The following CFAP299 variants were observed in gnomAD, a reference collection of about 807,000 sequenced individuals.
The protein encoded by CFAP299 is cilia and flagella associated protein 299.
Under a neutral mutation model 27.0 loss-of-function variants are expected in CFAP299, and 21 were observed. The ratio of observed to expected loss-of-function variants is 0.78; its 90% CI spans 0.55 to 1.12. The LOEUF is 1.12. Ranked by LOEUF, CFAP299 falls within the 50% of genes most tolerant of loss-of-function variation. The pLI is 0.00. For missense variants in CFAP299, 310 were observed against 276.6 expected, an observed-to-expected ratio of 1.12 and a Z score of -0.86; for synonymous variants, 104 against 98.1, an observed-to-expected ratio of 1.06 and a Z score of -0.36.
intron 3 of CFAP299, among the ~76,000 whole-genome samples, chr4:80,713,156 G>A (rs979299996): frequency 1.3e-5 from 2 of 152,106 alleles, no homozygotes; most frequent in Non-Finnish European, 2.9e-5. Context: ...AAAGTATGTA[G>A]GTGAGAGATA....
intron 2 of CFAP299, among the ~76,000 whole-genome samples, chr4:80,389,862 C>T (rs1326288123): frequency 1.3e-5 from 2 of 151,962 alleles, no homozygotes; most frequent in African/African-American, 4.8e-5. Context: ...TAAGAAAGTG[C>T]CTAAAGTCTT....
chr4:80,686,266 A>G (rs1473887885), intron 3 of CFAP299, among the ~76,000 whole-genome samples: 1 of 152,138 alleles, frequency 6.6e-6, no homozygotes, highest in African/African-American at 2.4e-5. Context: ...GGCCATTCCC[A>G]CACCAAAGAG....
intron 3 of CFAP299, among the ~76,000 whole-genome samples, chr4:80,834,973 G>A (rs1490418252): frequency 2.6e-5 from 4 of 152,224 alleles, no homozygotes; most frequent in Admixed American, 6.5e-5. Context: ...ATTCCTTAAA[G>A]TAGAAAGTTG....
At chr4:80,455,635 G>GA (rs879256391) in intron 2 of CFAP299, among the ~76,000 whole-genome samples, 31 of 147,500 alleles carry the variant, frequency 2.1e-4, no homozygotes, top group African/African-American at 5.5e-4. Flanking sequence ...TGTAGAGAGT[G>GA]AAAAAAAAAA....
At chr4:80,539,074 T>C (rs919911624) in intron 2 of CFAP299, among the ~76,000 whole-genome samples, 2 of 152,196 alleles carry the variant, frequency 1.3e-5, no homozygotes, top group African/African-American at 4.8e-5. Context: ...ATTAAATTAA[T>C]TGAAACAATT....
intron 2 of CFAP299, among the ~76,000 whole-genome samples, chr4:80,542,177 C>A (rs1734027401): frequency 6.6e-6 from 1 of 152,116 alleles, no homozygotes; most frequent in Non-Finnish European, 1.5e-5. Context: ...GGCTCTCAGG[C>A]CTTCAATCTC....
At chr4:80,827,144 T>G (rs1208403367) in intron 3 of CFAP299, among the ~76,000 whole-genome samples, 1 of 151,806 alleles carries the variant, frequency 6.6e-6, no homozygotes, top group Non-Finnish European at 1.5e-5. Flanking sequence ...AAAGGAGAGT[T>G]CATATAAATC....
At chr4:80,746,933 A>G (rs2110068125) in intron 3 of CFAP299, among the ~76,000 whole-genome samples, 1 of 152,154 alleles carries the variant, frequency 6.6e-6, no homozygotes. Flanking sequence ...ATGACCAGCT[A>G]GATAAGATTG....
intron 3 of CFAP299, chr4:80,608,399 G>A: frequency 2.0e-6 from 3 of 1,503,540 alleles, no homozygotes; most frequent in Non-Finnish European, 2.7e-6. Context: ...TACTGCTTAT[G>A]GAAAAGTTTC....
At chr4:80,938,699 G>A (rs1241555949) in intron 4 of CFAP299, among the ~76,000 whole-genome samples, 5 of 152,002 alleles carry the variant, frequency 3.3e-5, no homozygotes, top group African/African-American at 7.3e-5. Flanking sequence ...AGCTGGCCTC[G>A]GCAATTCTGA....
In CFAP299 at chr4:80,763,802, C is replaced by T. The variant is rs146386527; in HGVS notation, c.334-106191C>T. On this transcript the variant is annotated intron_variant, in intron 3 of 5. Coordinates refer to ENST00000358105, the MANE Select transcript of CFAP299 (RefSeq NM_152770.3). ...AACAGAGGCCTCAGAAATAACAACA[C>T]GCATCTACAACCATCGAATCTTCAA... is the stretch of plus-strand genomic sequence containing the variant. Among the ~76,000 whole-genome samples, 15 of 152,214 alleles carry T rather than the reference C, an allele frequency of 9.9e-5. No homozygotes were observed. In the East Asian group the frequency reaches 1.4e-3, roughly 14 times the overall value.
intron 2 of CFAP299, among the ~76,000 whole-genome samples, chr4:80,555,323 A>G (rs1451731420): frequency 6.6e-6 from 1 of 152,172 alleles, no homozygotes; most frequent in African/African-American, 2.4e-5. Context: ...ATGTTGAACC[A>G]AACTTGCATT....
At chr4:80,767,195 T>C (rs1725921524) in intron 3 of CFAP299, among the ~76,000 whole-genome samples, 1 of 152,128 alleles carries the variant, frequency 6.6e-6, no homozygotes, top group Admixed American at 6.5e-5. Context: ...ATATATATAA[T>C]AAAGTTTAAT....
intron 2 of CFAP299, among the ~76,000 whole-genome samples, chr4:80,468,389 A>G (rs961361475): frequency 6.6e-6 from 1 of 151,728 alleles, no homozygotes. Context: ...ACACATGGCT[A>G]ATTTTTGTAT....
chr4:80,919,653 C>T (rs1439479158), intron 4 of CFAP299, among the ~76,000 whole-genome samples: 3 of 152,208 alleles, frequency 2.0e-5, no homozygotes, highest in East Asian at 1.9e-4. Flanking sequence ...ACATTATTTT[C>T]TATCATTTTA....
chr4:80,359,485 A>G (rs548858993), intron 1 of CFAP299, among the ~76,000 whole-genome samples: 1 of 152,184 alleles, frequency 6.6e-6, no homozygotes, highest in South Asian at 2.1e-4. Flanking sequence ...CTCTTTACCC[A>G]ATCCTAGATT....
chr4:80,723,166 C>T (rs2110047508), intron 3 of CFAP299, among the ~76,000 whole-genome samples: 1 of 152,074 alleles, frequency 6.6e-6, no homozygotes, highest in South Asian at 2.1e-4. Context: ...AAAATGGTAC[C>T]ATCGCTTAGG....
intron 3 of CFAP299, among the ~76,000 whole-genome samples, chr4:80,674,217 G>A (rs1053383730): frequency 6.6e-6 from 1 of 152,116 alleles, no homozygotes; most frequent in Non-Finnish European, 1.5e-5. Flanking sequence ...GGCAGGCCTG[G>A]TGGTGACAAA....
rs142802182 is a variant in CFAP299, at chr4:80,577,990, G to T, written c.243-5103G>T. On this transcript the variant is annotated intron_variant, in intron 2 of 5. Coordinates refer to ENST00000358105, the MANE Select transcript of CFAP299 (RefSeq NM_152770.3). ...TAAAACCAGTAACCTAATTGTTGAA[G>T]ATTAATAATATGTTTATAATCATTC... 1.1e-4 allele frequency among the ~76,000 whole-genome samples: 17 copies of T among 152,228 alleles called. No individual in the cohort carries two copies. In the East Asian group the frequency reaches 3.1e-3, roughly 28 times the overall value.
Sources: gnomAD v4.1 joint callset for allele counts (sites outside exome capture counted in the v4.1 genomes callset) on GRCh38, gnomAD v4.1.1 for gene constraint, MANE v1.5 for transcripts, NCBI Gene and HGNC (gene_info 2026-07-23, HGNC 2026-07-21) for gene names.